The following VILL variants were observed in gnomAD, a reference collection of about 807,000 sequenced individuals.
VILL encodes villin-like protein.
In VILL, 102 loss-of-function variants were observed where a neutral mutation model predicts 106.3. The ratio of observed to expected loss-of-function variants is 0.96; its 90% CI spans 0.82 to 1.13. The LOEUF is 1.13. Among genes scored for constraint, VILL ranks in the 50% most tolerant of loss-of-function variants. The pLI, the probability that VILL is intolerant of heterozygous loss-of-function variation, is 0.00. For missense variants in VILL, 1,076 were observed against 1,116.6 expected, an observed-to-expected ratio of 0.96 and a Z score of 0.52; for synonymous variants, 431 against 440.3, an observed-to-expected ratio of 0.98 and a Z score of 0.27.
In VILL at chr3:37,993,860, G is replaced by C. The variant is rs765276828; in HGVS notation, c.61-38G>C. ...CACCCCAGCGGGTGTCATGGGTAGA[G>C]GCCTCCTGAGTTGTTACAGGGAACT... On this transcript the variant is annotated intron_variant, in intron 2 of 19. Transcript: ENST00000383759. 2.5e-6 allele frequency: 4 copies of C among 1,613,202 alleles called. No individual in the cohort carries two copies. In the South Asian group the frequency reaches 4.4e-5, roughly 18 times the overall value.
Position 38,004,327 on chromosome 3 carries a change from CGCAGAAG to C in VILL, c.1879_1885del (p.Ala627TrpfsTer45), listed in dbSNP as rs766909114. ...CCAGCCACATGGGCTGCCTGGTCCT[CGCAGAAG>C]TGGGGTTCTTCAGCCAGGAGGACCT... On this transcript the variant is annotated frameshift_variant, in exon 16 of 20. Coordinates refer to ENST00000383759, the MANE Select transcript of VILL (RefSeq NM_015873.4). LOFTEE classifies it high-confidence loss of function. 2.7e-5 allele frequency: 44 copies of C among 1,613,944 alleles called. No homozygotes were observed. The Middle Eastern group carries it at 6.6e-4, about 24-fold the overall frequency.
intron 16 of VILL, 72 bp from the exon 17 acceptor site, chr3:38,005,720 G>C (rs9311175): frequency 0.16 from 239,774 of 1,493,232 alleles, 21,037 homozygotes; most frequent in African/African-American, 0.32. Context: ...ACTGGACAGG[G>C]AGTGGACAGG....
Position 38,005,991 on chromosome 3 carries a change from A to AC in VILL, c.2133+22dup. ...AAGTGGACTGTGAGTGAGGCCTGAA[A>AC]CCCCCAGCCCTACCCTAATTTGTGG... On this transcript the variant is annotated intron_variant, in intron 17 of 19. Transcript: ENST00000383759. 5 of 1,603,492 alleles carry AC rather than the reference A, an allele frequency of 3.1e-6. No homozygotes were observed. The highest frequency in any genetic ancestry group is 4.3e-6 in the Non-Finnish European group (5 of 1,173,024).
Position 38,004,363 on chromosome 3 carries a change from C to G in VILL, c.1914C>G (p.Asp638Glu), listed in dbSNP as rs777141294. The G allele has an allele frequency of 5.6e-6, 9 of 1,613,044 alleles. No homozygotes were observed. The highest frequency in any genetic ancestry group is 1.6e-4 in the Middle Eastern group (1 of 6,082). ...EVGFFSQEDLDKYDIMLLDTW... is the reference protein window; with the variant it reads ...EVGFFSQEDLEKYDIMLLDTW... ...GGTTCTTCAGCCAGGAGGACCTGGA[C>G]AAGTATGACATCATGTTACTGGACA... Residue 638 changes from aspartate to glutamate, a missense_variant, in exon 16 of 20, where the codon GAC becomes GAG. By Grantham distance (45) the Asp-to-Glu change is conservative. Coordinates refer to ENST00000383759, the MANE Select transcript of VILL (RefSeq NM_015873.4).
chr3:37,988,867 A>G (rs1452962648), upstream of VILL, among the ~76,000 whole-genome samples: 1 of 152,264 alleles, frequency 6.6e-6, no homozygotes, highest in Non-Finnish European at 1.5e-5. Context: ...TGTCTCAAAT[A>G]AATACATAAA....
Position 37,994,353 on chromosome 3 carries a change from GGAGGCCTTCCAGCA to G in VILL, c.230_243del (p.Glu77AlafsTer42), listed in dbSNP as rs768706798. ...CGGGTGCGGAAGCGCAGGGCGCTGCGGAGGCCTTCCAGCAGCGCCTACAGGACGAGCTGGGGGGC... is the reference window on the plus strand; with the variant it reads ...CGGGTGCGGAAGCGCAGGGCGCTGCGGCGCCTACAGGACGAGCTGGGGGGC... On this transcript the variant is annotated frameshift_variant, in exon 4 of 20. Coordinates refer to ENST00000383759, the MANE Select transcript of VILL (RefSeq NM_015873.4). LOFTEE classifies it high-confidence loss of function. 1.9e-6 allele frequency: 3 copies of G among 1,611,620 alleles called. No homozygotes were observed. The highest frequency in any genetic ancestry group is 2.5e-6 in the Non-Finnish European group (3 of 1,179,638).
At chr3:37,995,487 G>A (rs1362900945) in intron 4 of VILL, among the ~76,000 whole-genome samples, 2 of 152,216 alleles carry the variant, frequency 1.3e-5, no homozygotes, top group African/African-American at 4.8e-5. Context: ...CCAAATGTAT[G>A]TACATGTACA....
chr3:37,988,535 TGA>T (rs1699575172), upstream of VILL, among the ~76,000 whole-genome samples: 1 of 152,214 alleles, frequency 6.6e-6, no homozygotes, highest in Non-Finnish European at 1.5e-5. Context: ...CACAACAATA[TGA>T]GTGTCCTTAA....
chr3:37,996,261 C>T (rs1316846799), intron 5 of VILL, among the ~76,000 whole-genome samples: 1 of 152,156 alleles, frequency 6.6e-6, no homozygotes, highest in Non-Finnish European at 1.5e-5. Context: ...GTTAGCAGCA[C>T]AGTGAGAGGT....
chr3:37,998,975 G>T lies in VILL; in HGVS notation c.1006G>T (p.Glu336Ter), dbSNP rs748773755. 3 of 1,610,472 alleles carry T rather than the reference G, an allele frequency of 1.9e-6. No homozygotes were observed. Among genetic ancestry groups the T allele is most frequent in the South Asian group, 2.2e-5 (2 of 90,982 alleles). Residue 336 changes from glutamate (E) to a stop codon, truncating the protein, a stop_gained, in exon 10 of 20, where the codon GAG (glutamate) becomes TAG (stop). Coordinates refer to ENST00000383759, the MANE Select transcript of VILL (RefSeq NM_015873.4). LOFTEE classifies it high-confidence loss of function. The surrounding 1 kb of genome is among the most constrained non-coding windows in gnomAD (Gnocchi z 4.1). The stretch of plus-strand genomic sequence containing the variant: ...CGTGGAGGTGGTGAACGACGGCGCC[G>T]AGTCGGCCGCGTTCAAGCAGCTCTT... ...TNVEVVNDGA[E>*]SAAFKQLFRT...
chr3:37,993,419 C>T (rs1699638689), intron 1 of VILL, 168 bp from the exon 2 acceptor site: 1 of 521,790 alleles, frequency 1.9e-6, no homozygotes, highest in Non-Finnish European at 3.4e-6. Flanking sequence ...GACCCTGTCT[C>T]GAAAAAACTG....
At chr3:37,999,979 C>T (rs987851416) in intron 11 of VILL, among the ~76,000 whole-genome samples, 1 of 152,270 alleles carries the variant, frequency 6.6e-6, no homozygotes, top group Non-Finnish European at 1.5e-5. Flanking sequence ...TCCTGCGAGA[C>T]GCAGGGGTTG....
chr3:38,003,376 T>A, intron 15 of VILL, 63 bp downstream of exon 15: 2 of 1,489,890 alleles, frequency 1.3e-6, no homozygotes, highest in Non-Finnish European at 1.8e-6. Flanking sequence ...GAGAGGAGGG[T>A]GGGTGACTGG....
At chr3:37,993,055 G>A (rs1699632247) in intron 1 of VILL, among the ~76,000 whole-genome samples, 1 of 152,232 alleles carries the variant, frequency 6.6e-6, no homozygotes, top group Admixed American at 6.5e-5. Context: ...GGTTTCTGAA[G>A]GAGTGGTGCA....
Position 37,998,593 on chromosome 3 carries a change from C to T in VILL, c.942+229C>T, listed in dbSNP as rs147996580. On this transcript the variant is annotated intron_variant, in intron 9 of 19. Coordinates refer to ENST00000383759, the MANE Select transcript of VILL (RefSeq NM_015873.4). This position sits in a 1 kb window ranked among gnomAD's most constrained non-coding sequence, Gnocchi z 4.1. ...GTGTAAAAGGGGCACGTGGCCCTGC[C>T]TTCAGGTCTGGGGCCCTACTGACTG... is the stretch of plus-strand genomic sequence containing the variant. Among the ~76,000 whole-genome samples, 926 of 152,256 alleles carry T rather than the reference C, an allele frequency of 6.1e-3. 2 individuals carry two copies. Among genetic ancestry groups the T allele is most frequent in the Middle Eastern group, 0.024 (7 of 292 alleles).
chr3:38,004,792 GT>G (rs1473084860), intron 16 of VILL, among the ~76,000 whole-genome samples: 1 of 152,186 alleles, frequency 6.6e-6, no homozygotes, highest in Non-Finnish European at 1.5e-5. Flanking sequence ...TGGTGTGAGT[GT>G]TTGCCTTCGT....
In VILL at chr3:38,005,960, C is replaced by T; in HGVS notation, c.2119C>T (p.Pro707Ser). Residue 707 changes from proline (P) to serine (S), a missense_variant, in exon 17 of 20, where the codon CCC becomes TCC. Coordinates refer to ENST00000383759, the MANE Select transcript of VILL (RefSeq NM_015873.4). The part of the protein sequence containing the change: ...TFIGWFFTWD[P>S]YKWTSHPSHK... The stretch of plus-strand genomic sequence containing the variant: ...CATTGGATGGTTCTTCACTTGGGAC[C>T]CCTACAAGTGGACTGTGAGTGAGGC... 1.2e-6 allele frequency: 2 copies of T among 1,612,126 alleles called. No individual in the cohort carries two copies. Among genetic ancestry groups the T allele is most frequent in the African/African-American group, 1.3e-5 (1 of 75,016 alleles).
chr3:38,005,874 C>G lies in VILL; in HGVS notation c.2033C>G (p.Ala678Gly). 6.2e-7 allele frequency: 1 copy of G among 1,614,160 alleles called. No individual in the cohort carries two copies. The highest frequency in any genetic ancestry group is 8.5e-7 in the Non-Finnish European group (1 of 1,180,010). ...WGQEYLKTHP[A>G]GRSPATPIVL... ...CAGGAGTACCTGAAGACTCACCCAG[C>G]AGGGAGGAGCCCGGCCACACCCATC... Residue 678 changes from alanine to glycine, a missense_variant, in exon 17 of 20, where the codon GCA becomes GGA. By Grantham distance (60) the Ala-to-Gly change is moderately conservative. Coordinates refer to ENST00000383759, the MANE Select transcript of VILL (RefSeq NM_015873.4).
upstream of VILL, among the ~76,000 whole-genome samples, chr3:37,988,544 T>C: frequency 6.6e-6 from 1 of 152,210 alleles, no homozygotes; most frequent in East Asian, 1.9e-4. Flanking sequence ...ATGAGTGTCC[T>C]TAACACCACA....
Sources: gnomAD v4.1 joint callset for allele counts (sites outside exome capture counted in the v4.1 genomes callset) on GRCh38, gnomAD v4.1.1 for gene constraint, Gnocchi (gnomAD v3.1) non-coding constraint, MANE v1.5 for transcripts, NCBI Gene and HGNC (gene_info 2026-07-23, HGNC 2026-07-21) for gene names.